Variants in PDGFRL observed in about 807,000 individuals in gnomAD.
The protein encoded by PDGFRL is platelet derived growth factor receptor like, also known as platelet-derived growth factor receptor-like protein.
A neutral mutation model predicts 37.2 loss-of-function variants in PDGFRL; 46 were observed. The ratio of observed to expected loss-of-function variants is 1.24; its 90% CI spans 0.98 to 1.58. The LOEUF (loss-of-function observed/expected upper bound fraction) is 1.58, where lower values mean the gene tolerates loss of function less well. Among genes scored for constraint, PDGFRL ranks in the 40% most tolerant of loss-of-function variants. PDGFRL has a pLI of 0.00. For synonymous variants in PDGFRL, 251 were observed against 184.3 expected (o/e 1.36, Z -2.93); for missense variants, 692 against 467.6 (o/e 1.48, Z -4.43).
intron 5 of PDGFRL, among the ~76,000 whole-genome samples, chr8:17,638,786 T>TATATATATATATATATAAAA: frequency 9.7e-6 from 1 of 102,844 alleles, no homozygotes; most frequent in Admixed American, 1.1e-4. Flanking sequence ...TATATATATA[T>TATATATATATATATATAAAA]AATTGTGATA....
chr8:17,620,923 A>C, intron 2 of PDGFRL, 128 bp from the exon 3 acceptor site: 1 of 450,146 alleles, frequency 2.2e-6, no homozygotes. Flanking sequence ...ACACATTCTT[A>C]TATTACTCTA....
At chr8:17,626,079 C>T (rs572973405) in intron 3 of PDGFRL, among the ~76,000 whole-genome samples, 13 of 152,350 alleles carry the variant, frequency 8.5e-5, no homozygotes, top group African/African-American at 3.1e-4. Context: ...CTTATCGCTT[C>T]AGATTATTCT....
chr8:17,634,513 G>T (rs1014675570), intron 5 of PDGFRL, among the ~76,000 whole-genome samples: 4 of 151,630 alleles, frequency 2.6e-5, no homozygotes, highest in Non-Finnish European at 4.4e-5. Flanking sequence ...AAGTAAGAAA[G>T]GACAGTAATG....
chr8:17,608,081 C>G (rs977715365), intron 2 of PDGFRL, among the ~76,000 whole-genome samples: 11 of 152,200 alleles, frequency 7.2e-5, no homozygotes, highest in African/African-American at 2.4e-4. Flanking sequence ...CTTGTCCACT[C>G]TGTCCTGGGG....
chr8:17,625,386 A>G (rs924641340), intron 3 of PDGFRL, among the ~76,000 whole-genome samples: 4 of 151,250 alleles, frequency 2.6e-5, no homozygotes, highest in Non-Finnish European at 5.9e-5. Context: ...TCCTGACCTC[A>G]TGATCCGCCT....
At chr8:17,614,621 C>T (rs1178211981) in intron 2 of PDGFRL, among the ~76,000 whole-genome samples, 1 of 152,152 alleles carries the variant, frequency 6.6e-6, no homozygotes, top group East Asian at 1.9e-4. Context: ...CTCTGTTGCC[C>T]AGGCTGGAGT....
intron 2 of PDGFRL, among the ~76,000 whole-genome samples, chr8:17,609,264 T>C (rs1212195180): frequency 6.6e-6 from 1 of 151,868 alleles, no homozygotes; most frequent in Non-Finnish European, 1.5e-5. Flanking sequence ...GCCACCACTT[T>C]GGGTGGCTGA....
chr8:17,597,500 T>G (rs2150818683), intron 2 of PDGFRL, among the ~76,000 whole-genome samples: 1 of 152,264 alleles, frequency 6.6e-6, no homozygotes, highest in Non-Finnish European at 1.5e-5. Context: ...TCTAATGAAC[T>G]TTAGAGCTCT....
intron 2 of PDGFRL, among the ~76,000 whole-genome samples, chr8:17,617,971 C>T (rs1389142669): frequency 1.4e-5 from 2 of 140,260 alleles, no homozygotes; most frequent in African/African-American, 5.1e-5. Flanking sequence ...AGACTGTCGC[C>T]TCCATTTTCC....
At chr8:17,578,682 C>G (rs2720574) in intron 1 of PDGFRL, among the ~76,000 whole-genome samples, 112,396 of 152,050 alleles carry the variant, frequency 0.74, 42,865 homozygotes, top group Non-Finnish European at 0.83. Context: ...CCCAACTTGC[C>G]AGTCTTAGAG....
intron 2 of PDGFRL, among the ~76,000 whole-genome samples, chr8:17,601,843 C>T (rs935064582): frequency 2.6e-5 from 4 of 152,122 alleles, no homozygotes. Flanking sequence ...TGTGTATGTA[C>T]CACATTTTCT....
At chr8:17,592,473 C>G (rs1019137510) in intron 2 of PDGFRL, among the ~76,000 whole-genome samples, 1 of 152,086 alleles carries the variant, frequency 6.6e-6, no homozygotes, top group East Asian at 1.9e-4. Context: ...GGTGGATGCC[C>G]TTGGGGATAA....
chr8:17,625,523 G>A (rs1286346125), intron 3 of PDGFRL, among the ~76,000 whole-genome samples: 1 of 151,962 alleles, frequency 6.6e-6, no homozygotes, highest in Non-Finnish European at 1.5e-5. Context: ...CTAGATAAGT[G>A]GATATAAATA....
intron 1 of PDGFRL, among the ~76,000 whole-genome samples, chr8:17,586,099 G>A (rs935362597): frequency 1.4e-4 from 22 of 152,142 alleles, no homozygotes; most frequent in Non-Finnish European, 2.9e-5. Context: ...CTACAGGCGT[G>A]TGCCGCCATG....
intron 2 of PDGFRL, among the ~76,000 whole-genome samples, chr8:17,600,075 G>A (rs1563512675): frequency 6.6e-6 from 1 of 152,142 alleles, no homozygotes; most frequent in East Asian, 1.9e-4. Flanking sequence ...TTCACACCCA[G>A]TTCCCTGGGA....
chr8:17,635,638 C>G (rs527802105), intron 5 of PDGFRL, among the ~76,000 whole-genome samples: 1 of 152,124 alleles, frequency 6.6e-6, no homozygotes, highest in South Asian at 2.1e-4. Flanking sequence ...TGGGTAGATA[C>G]CCAGTAATGG....
intron 1 of PDGFRL, among the ~76,000 whole-genome samples, chr8:17,580,139 G>T (rs1296901985): frequency 1.3e-5 from 2 of 152,104 alleles, no homozygotes; most frequent in African/African-American, 2.4e-5. Context: ...ATGCTAATCT[G>T]GTCTTCAGTA....
At chr8:17,623,553 C>T (rs751447675) in intron 3 of PDGFRL, among the ~76,000 whole-genome samples, 5 of 152,144 alleles carry the variant, frequency 3.3e-5, no homozygotes, top group Non-Finnish European at 7.3e-5. Flanking sequence ...GAACTGCAGG[C>T]TTAGCTTGGG....
rs567137981 is a variant in PDGFRL at position 17,593,695 on chromosome 8, G to C, written c.353+3930G>C. On this transcript the variant is annotated intron_variant, in intron 2 of 5. Coordinates refer to ENST00000251630, the MANE Select transcript of PDGFRL (RefSeq NM_001372073.1). ...GGATCACCGGAGGTCAGGAGTTCGA[G>C]ACCAGCCTGACCAACACAGCGAAAC... is the stretch of plus-strand genomic sequence containing the variant. Among the ~76,000 whole-genome samples, 7 of 152,002 alleles carry C rather than the reference G, an allele frequency of 4.6e-5. No individual in the cohort carries two copies. In the South Asian group the frequency reaches 1.5e-3, roughly 32 times the overall value.
Sources: gnomAD v4.1 joint callset for allele counts (sites outside exome capture counted in the v4.1 genomes callset) on GRCh38, gnomAD v4.1.1 for gene constraint, MANE v1.5 for transcripts, NCBI Gene and HGNC (gene_info 2026-07-23, HGNC 2026-07-21) for gene names.